RGS5: variants seen among roughly 807,000 people sequenced by gnomAD.
RGS5 encodes regulator of G protein signaling 5.
Under a neutral mutation model 18.9 loss-of-function variants are expected in RGS5, and 20 were observed. The ratio of observed to expected loss-of-function variants is 1.06; its 90% CI spans 0.74 to 1.54. The LOEUF is 1.54. Among genes scored for constraint, RGS5 ranks in the 40% most tolerant of loss-of-function variants. The pLI is 0.00. For missense variants in RGS5, 201 were observed against 211.8 expected, an observed-to-expected ratio of 0.95 and a Z score of 0.32; for synonymous variants, 57 against 76.2, an observed-to-expected ratio of 0.75 and a Z score of 1.31.
chr1:163,228,628 T>C (rs551238264), intron 2 of RGS5, among the ~76,000 whole-genome samples: 1 of 152,356 alleles, frequency 6.6e-6, no homozygotes, highest in South Asian at 2.1e-4. Flanking sequence ...ATTACTTATG[T>C]AAATTTCTGC....
intron 1 of RGS5, among the ~76,000 whole-genome samples, chr1:163,313,069 G>A (rs1289836365): frequency 7.9e-5 from 12 of 152,102 alleles, no homozygotes; most frequent in Non-Finnish European, 1.0e-4. Flanking sequence ...CCCATATAAC[G>A]TTACACCTGA....
intron 2 of RGS5, among the ~76,000 whole-genome samples, chr1:163,222,817 T>C (rs907527518): frequency 1.3e-5 from 2 of 152,104 alleles, no homozygotes; most frequent in Admixed American, 6.6e-5. Flanking sequence ...TTTCCTGTTA[T>C]GTAAAGCAAA....
chr1:163,200,289 T>C (rs931594336), intron 1 of RGS5, among the ~76,000 whole-genome samples: 5 of 152,194 alleles, frequency 3.3e-5, no homozygotes, highest in African/African-American at 1.2e-4. Context: ...TCTAATGCCA[T>C]ATGGAAGTCA....
chr1:163,205,514 A>G (rs1659933405), upstream of RGS5, among the ~76,000 whole-genome samples: 1 of 152,216 alleles, frequency 6.6e-6, no homozygotes, highest in South Asian at 2.1e-4. Context: ...AAAGAAAAAG[A>G]GAAACAAGCC....
At position 163,310,038 on chromosome 1, in the gene RGS5, G is replaced by C. The variant is rs532978781; in HGVS notation, c.-377-3709C>G. ...ATCTCTTTTTTCCAGTCTCGACAGA[G>C]TCTCAATAGGGAGCTTAAAATATTC... On this transcript the variant is annotated intron_variant, in intron 1 of 5. Transcript: ENST00000618415. Among the ~76,000 whole-genome samples, 17 of 152,288 alleles carry C rather than the reference G, an allele frequency of 1.1e-4. No individual in the cohort carries two copies. In the South Asian group the frequency reaches 3.5e-3, roughly 32 times the overall value.
upstream of RGS5, among the ~76,000 whole-genome samples, chr1:163,219,279 T>C (rs980011091): frequency 2.6e-5 from 4 of 152,252 alleles, no homozygotes; most frequent in Admixed American, 1.3e-4. Context: ...TCCCGTAGTA[T>C]GTTGACTGTA....
chr1:163,207,939 C>T (rs1483684156), intron 1 of RGS5, among the ~76,000 whole-genome samples: 2 of 151,892 alleles, frequency 1.3e-5, no homozygotes, highest in African/African-American at 4.8e-5. Flanking sequence ...ATAAACAGTT[C>T]ATAGAGAGTG....
At chr1:163,244,331 T>C (rs1388918136) in intron 2 of RGS5, among the ~76,000 whole-genome samples, 2 of 152,186 alleles carry the variant, frequency 1.3e-5, no homozygotes, top group East Asian at 1.9e-4. Flanking sequence ...GTAAACACTT[T>C]CCATCTCTCC....
chr1:163,311,465 G>A (rs1014645492), intron 1 of RGS5, among the ~76,000 whole-genome samples: 2 of 152,292 alleles, frequency 1.3e-5, no homozygotes, highest in Non-Finnish European at 2.9e-5. Context: ...CTTTTGATAT[G>A]CTTTTCTCAC....
At chr1:163,246,433 C>T (rs568271971) in intron 2 of RGS5, among the ~76,000 whole-genome samples, 9 of 149,774 alleles carry the variant, frequency 6.0e-5, no homozygotes, top group South Asian at 2.1e-4. Flanking sequence ...TAGCTGGGCA[C>T]AGTGGCGTGC....
intron 1 of RGS5, among the ~76,000 whole-genome samples, chr1:163,190,919 G>A (rs1271910366): frequency 3.3e-5 from 5 of 152,136 alleles, no homozygotes; most frequent in Admixed American, 1.3e-4. Flanking sequence ...AATTCAAGGG[G>A]TTCATTAAAG....
chr1:163,269,560 T>G (rs76121963), intron 2 of RGS5, among the ~76,000 whole-genome samples: 3,905 of 152,268 alleles, frequency 0.026, 94 homozygotes, highest in African/African-American at 0.053. Context: ...TATTTGAGAT[T>G]GGCTACATAT....
At chr1:163,205,987 G>T (rs1659944845), upstream of RGS5, among the ~76,000 whole-genome samples, 1 of 152,126 alleles carries the variant, frequency 6.6e-6, no homozygotes. Flanking sequence ...AAGCCAGCTA[G>T]GAGCACATGG....
chr1:163,281,671 A>G (rs1648995222), intron 2 of RGS5, among the ~76,000 whole-genome samples: 1 of 152,136 alleles, frequency 6.6e-6, no homozygotes. Flanking sequence ...ACCAAACCAT[A>G]TCAAGAACTA....
Position 163,241,955 on chromosome 1 carries a change from T to C in RGS5, c.-281+64278A>G, listed in dbSNP as rs1037815342. 3.3e-5 allele frequency among the ~76,000 whole-genome samples: 5 copies of C among 152,180 alleles called. No individual in the cohort carries two copies. In the East Asian group the frequency reaches 7.7e-4, roughly 23 times the overall value. The stretch of plus-strand genomic sequence containing the variant: ...TGTATTAAGTATTCTATGCTCAAGA[T>C]TGAACTAGATTAATTGTCCGTAGAG... On this transcript the variant is annotated intron_variant, in intron 2 of 5. Coordinates refer to the RGS5 transcript ENST00000618415.
intron 2 of RGS5, among the ~76,000 whole-genome samples, chr1:163,263,427 G>A (rs1050332680): frequency 2.0e-5 from 3 of 152,054 alleles, no homozygotes; most frequent in Non-Finnish European, 2.9e-5. Flanking sequence ...CTCCTAATGG[G>A]CAGTGCCCTC....
chr1:163,187,440 A>G (rs1452468880), intron 1 of RGS5, among the ~76,000 whole-genome samples: 1 of 152,104 alleles, frequency 6.6e-6, no homozygotes, highest in Non-Finnish European at 1.5e-5. Flanking sequence ...TGGGTGTGTT[A>G]GGCCTCAGGA....
intron 2 of RGS5, among the ~76,000 whole-genome samples, chr1:163,242,696 G>A (rs932064152): frequency 2.0e-5 from 3 of 152,166 alleles, no homozygotes; most frequent in Non-Finnish European, 4.4e-5. Context: ...AGCCTACTAT[G>A]AGAAGAGCTT....
chr1:163,167,269 C>G (rs536410203), intron 2 of RGS5, among the ~76,000 whole-genome samples: 3 of 152,202 alleles, frequency 2.0e-5, no homozygotes, highest in Admixed American at 2.0e-4. Context: ...TTTTACCACA[C>G]TTCTGTGATA....
Sources: allele counts gnomAD v4.1 joint callset (sites outside exome capture counted in the v4.1 genomes callset), GRCh38; gene constraint gnomAD v4.1.1; transcripts MANE v1.5; gene names NCBI Gene and HGNC (gene_info 2026-07-23, HGNC 2026-07-21).